Variants in AS3MT observed in about 807,000 individuals in gnomAD.
The protein encoded by AS3MT is S-adenosyl-L-methionine:arsenic(III) methyltransferase.
In AS3MT, 47 loss-of-function variants were observed where a neutral mutation model predicts 45.3. That is an observed-to-expected ratio of 1.04 (90% CI 0.82 to 1.32). AS3MT has a LOEUF of 1.32. Among genes scored for constraint, AS3MT ranks in the 40% most tolerant of loss-of-function variants. The pLI is 0.00. For synonymous variants in AS3MT, 141 were observed against 152.8 expected, an observed-to-expected ratio of 0.92 and a Z score of 0.57; for missense variants, 396 against 451.1, an observed-to-expected ratio of 0.88 and a Z score of 1.11.
intron 6 of AS3MT, among the ~76,000 whole-genome samples, chr10:102,875,591 C>T (rs12765002): frequency 0.24 from 36,342 of 150,908 alleles, 4,567 homozygotes; most frequent in East Asian, 0.42. Flanking sequence ...TTGTGTGCAG[C>T]TTGGGCAATA....
At chr10:102,891,576 T>C (rs923119057) in intron 10 of AS3MT, among the ~76,000 whole-genome samples, 1 of 152,218 alleles carries the variant, frequency 6.6e-6, no homozygotes, top group Non-Finnish European at 1.5e-5. Context: ...CTGGACTTCA[T>C]GCAAATGATC....
At position 102,890,556 on chromosome 10, in the gene AS3MT, G is replaced by C. The variant is rs759723918; in HGVS notation, c.898G>C (p.Val300Leu). 1 of 1,598,216 alleles carries C rather than the reference G, an allele frequency of 6.3e-7. No homozygotes were observed. The highest frequency in any genetic ancestry group is 1.4e-5 in the African/African-American group (1 of 73,826). Residue 300 changes from valine (V) to leucine (L), a missense_variant, in exon 10 of 11, where the codon GTT becomes CTT. Coordinates refer to ENST00000369880, the MANE Select transcript of AS3MT (RefSeq NM_020682.4). ...ANFTFKEGEI[V>L]EVDEETAAIL... ...TACTACCCTTTAGGAAGGTGAAATTGTTGAAGTGGATGAAGAAACAGCAGC... is the reference window on the plus strand; with the variant it reads ...TACTACCCTTTAGGAAGGTGAAATTCTTGAAGTGGATGAAGAAACAGCAGC...
At chr10:102,877,731 T>C (rs1397537663) in intron 7 of AS3MT, among the ~76,000 whole-genome samples, 1 of 146,964 alleles carries the variant, frequency 6.8e-6, no homozygotes, top group African/African-American at 2.5e-5. Flanking sequence ...TATAATCATA[T>C]AACCCAGTGA....
At chr10:102,900,548 A>G in intron 10 of AS3MT, 45 bp from the exon 11 acceptor site, 1 of 1,422,952 alleles carries the variant, frequency 7.0e-7, no homozygotes, top group East Asian at 2.3e-5. Context: ...GGGTACATCA[A>G]AACACCTTTA....
At position 102,901,218 on chromosome 10, in the gene AS3MT, G is replaced by C. The variant is rs534291133; in HGVS notation, c.*518G>C. ...TTTATTTATTTATTTTTTTGAGATG[G>C]AGTCTCGGTCTGTTGCCCAGGCTGA... On this transcript the variant is annotated 3_prime_UTR_variant, in exon 11 of 11. Transcript: ENST00000369880. The C allele has an allele frequency of 2.0e-5, 3 of 151,368 alleles. No homozygotes were observed. The East Asian group carries it at 5.8e-4, about 29-fold the overall frequency. 9.4% of individuals were successfully genotyped at this position (151,368 alleles called of 1,614,324 possible).
At chr10:102,883,105 G>GTT (rs199951226) in intron 9 of AS3MT, among the ~76,000 whole-genome samples, 7,390 of 140,170 alleles carry the variant, frequency 0.053, 265 homozygotes, top group African/African-American at 0.094. Flanking sequence ...TATATATATG[G>GTT]TTTTTTTTTT....
At chr10:102,886,830 T>C (rs1029027542) in intron 9 of AS3MT, among the ~76,000 whole-genome samples, 5 of 152,140 alleles carry the variant, frequency 3.3e-5, no homozygotes, top group Admixed American at 2.0e-4. Context: ...TTGCCCAGTC[T>C]GCTCTTGAAC....
chr10:102,870,018 C>G, intron 2 of AS3MT, 66 bp from the exon 3 acceptor site: 2 of 1,582,206 alleles, frequency 1.3e-6, no homozygotes, highest in South Asian at 1.1e-5. Flanking sequence ...GTGACGGAGC[C>G]CTCGCGCTGC....
In AS3MT at chr10:102,869,830, A is replaced by T; in HGVS notation, c.27A>T (p.Ile9=). The T allele has an allele frequency of 6.2e-7, 1 of 1,613,972 alleles. No homozygotes were observed. The highest frequency in any genetic ancestry group is 8.5e-7 in the Non-Finnish European group (1 of 1,180,014). Residue 9 remains isoleucine, a synonymous_variant, in exon 2 of 11, where the codon ATA becomes ATT. Transcript: ENST00000369880. ...TGGCTGCACTTCGTGACGCTGAGAT[A>T]CAGAAGGACGTGCAGGTGAGAGCTG... MAALRDAE[I]QKDVQTYYGQ... is the part of the protein sequence containing the mutation.
intron 7 of AS3MT, among the ~76,000 whole-genome samples, chr10:102,877,748 CTTT>C (rs751685577): frequency 1.6e-4 from 17 of 105,232 alleles, no homozygotes; most frequent in Admixed American, 4.3e-4. Context: ...GTGATAACTT[CTTT>C]TTTTTTTTTT....
Position 102,878,390 on chromosome 10 carries a change from G to A in AS3MT, c.622G>A (p.Gly208Ser), listed in dbSNP as rs1564791785. 3.1e-6 allele frequency: 5 copies of A among 1,613,920 alleles called. No homozygotes were observed. The highest frequency in any genetic ancestry group is 1.3e-5 in the African/African-American group (1 of 75,002). Residue 208 changes from glycine to serine, a missense_variant, in exon 8 of 11, where the codon GGT becomes AGT. By Grantham distance (56) the Gly-to-Ser change is moderately conservative. Transcript: ENST00000369880. ...THKVLWGECL[G>S]GALYWKELAV... Reference sequence around the variant, plus strand: ...TGTTTGTTTTTTAGGTGAGTGTCTGGGTGGTGCTTTATACTGGAAGGAACT... The same window carrying A: ...TGTTTGTTTTTTAGGTGAGTGTCTGAGTGGTGCTTTATACTGGAAGGAACT...
chr10:102,897,330 G>C (rs1845191464), intron 10 of AS3MT, among the ~76,000 whole-genome samples: 1 of 151,314 alleles, frequency 6.6e-6, no homozygotes, highest in African/African-American at 2.4e-5. Flanking sequence ...CTTGCAGTGA[G>C]CAGAGATCAT....
intron 10 of AS3MT, 31 bp from the exon 11 acceptor site, chr10:102,900,562 T>C: frequency 6.6e-7 from 1 of 1,508,622 alleles, no homozygotes; most frequent in Middle Eastern, 1.7e-4. Context: ...ACCTTTAACT[T>C]GTCCTTTCAT....
In AS3MT at chr10:102,900,646, C is replaced by T; in HGVS notation, c.1074C>T (p.Ser358=). Reference sequence around the variant, plus strand: ...CAGAAGAGTCTGACAGTATGAAGTCCAGATGTGTCCCTGATGCTGCTGGAG... The same window carrying T: ...CAGAAGAGTCTGACAGTATGAAGTCTAGATGTGTCCCTGATGCTGCTGGAG... ...KLAEESDSMK[S]RCVPDAAGGC... is the part of the protein sequence containing the mutation. Residue 358 remains serine (S), a synonymous_variant, in exon 11 of 11, where the codon TCC becomes TCT. Transcript: ENST00000369880. The T allele has an allele frequency of 6.2e-7, 1 of 1,614,122 alleles. No homozygotes were observed. The highest frequency in any genetic ancestry group is 8.5e-7 in the Non-Finnish European group (1 of 1,180,018).
In AS3MT at chr10:102,890,586, T is replaced by C; in HGVS notation, c.928T>C (p.Leu310=). ...VEVDEETAAI[L]KNSRFAQDFL... is the part of the protein sequence containing the mutation. ...AGTGGATGAAGAAACAGCAGCTATC[T>C]TGAAGAATTCAAGATTTGCTCAAGA... The change falls in exon 10 of 11, where the codon TTG becomes CTG. Residue 310 remains leucine, a synonymous_variant. Transcript: ENST00000369880. 2 of 1,611,224 alleles carry C rather than the reference T, an allele frequency of 1.2e-6. No homozygotes were observed. Among genetic ancestry groups the C allele is most frequent in the South Asian group, 1.1e-5 (1 of 90,380 alleles).
chr10:102,869,731 C>G, intron 1 of AS3MT, 74 bp from the exon 2 acceptor site: 1 of 1,612,200 alleles, frequency 6.2e-7, no homozygotes, highest in South Asian at 1.1e-5. Flanking sequence ...CGCTGCCTGC[C>G]CTTTACTGGC....
At chr10:102,889,676 C>CT in intron 9 of AS3MT, among the ~76,000 whole-genome samples, 1 of 147,746 alleles carries the variant, frequency 6.8e-6, no homozygotes, top group Admixed American at 6.8e-5. Flanking sequence ...TTCCTCCCTC[C>CT]ACCCCCCCCG....
intron 10 of AS3MT, 86 bp from the exon 11 acceptor site, chr10:102,900,507 C>A: frequency 2.1e-6 from 2 of 939,012 alleles, no homozygotes; most frequent in Admixed American, 1.9e-5. Flanking sequence ...CTGTGTAAGT[C>A]AACCTAAATC....
chr10:102,892,928 C>T (rs1235107675), intron 10 of AS3MT, among the ~76,000 whole-genome samples: 6 of 151,236 alleles, frequency 4.0e-5, no homozygotes, highest in African/African-American at 1.2e-4. Context: ...TGCAATGAGA[C>T]GAGATTGAGA....
Sources: allele counts gnomAD v4.1 joint callset (sites outside exome capture counted in the v4.1 genomes callset), GRCh38; gene constraint gnomAD v4.1.1; transcripts MANE v1.5; gene names NCBI Gene and HGNC (gene_info 2026-07-23, HGNC 2026-07-21).